Variants in GAB2 observed in about 807,000 individuals in gnomAD.
GAB2 encodes GRB2 associated binding protein 2.
In GAB2, 26 loss-of-function variants were observed where a neutral mutation model predicts 65.5. That is an observed-to-expected ratio of 0.40 (90% CI 0.29 to 0.55). GAB2 has a LOEUF of 0.55. Among genes scored for constraint, GAB2 ranks in the 20% least tolerant of loss-of-function variants. GAB2 has a pLI of 0.53. For missense variants in GAB2, 884 were observed against 875.8 expected (o/e 1.01, Z -0.12); for synonymous variants, 321 against 329.6 (o/e 0.97, Z 0.28).
chr11:78,356,571 T>C (rs564446615), intron 1 of GAB2, among the ~76,000 whole-genome samples: 3 of 152,328 alleles, frequency 2.0e-5, no homozygotes, highest in South Asian at 4.2e-4. Flanking sequence ...ATAGTAGGTA[T>C]AAGACTTTGG....
intron 2 of GAB2, among the ~76,000 whole-genome samples, chr11:78,272,032 C>T (rs1346886909): frequency 6.6e-6 from 1 of 152,222 alleles, no homozygotes; most frequent in Non-Finnish European, 1.5e-5. Context: ...TTTGCTCCTC[C>T]TTTCCTTCTG....
At chr11:78,317,630 AAAG>A (rs1855637173) in intron 1 of GAB2, among the ~76,000 whole-genome samples, 1 of 152,144 alleles carries the variant, frequency 6.6e-6, no homozygotes, top group Non-Finnish European at 1.5e-5. Flanking sequence ...ATCACAATCA[AAAG>A]AAGAAATAAT....
chr11:78,393,546 C>T (rs1856859307), intron 1 of GAB2, among the ~76,000 whole-genome samples: 1 of 152,144 alleles, frequency 6.6e-6, no homozygotes, highest in Non-Finnish European at 1.5e-5. Context: ...CCAAAACTAT[C>T]CTTTCTGAGA....
chr11:78,366,585 C>CA (rs33997665), intron 1 of GAB2, among the ~76,000 whole-genome samples: 26,485 of 32,962 alleles, frequency 0.8, 11,677 homozygotes, highest in Non-Finnish European at 0.86. Context: ...GACTCCATCT[C>CA]AAAAAAAAAA....
At chr11:78,331,035 C>T (rs1855904846) in intron 1 of GAB2, among the ~76,000 whole-genome samples, 2 of 151,774 alleles carry the variant, frequency 1.3e-5, no homozygotes, top group South Asian at 4.2e-4. Context: ...ATTACCAGGG[C>T]ATGGTGGTGG....
intron 1 of GAB2, among the ~76,000 whole-genome samples, chr11:78,413,247 T>C (rs970296357): frequency 5.9e-5 from 9 of 152,082 alleles, no homozygotes; most frequent in Admixed American, 5.2e-4. Context: ...CTGAAGCCAG[T>C]AGAATGGACA....
intron 1 of GAB2, among the ~76,000 whole-genome samples, chr11:78,351,689 A>G (rs1475470875): frequency 6.6e-6 from 1 of 152,208 alleles, no homozygotes; most frequent in African/African-American, 2.4e-5. Flanking sequence ...CATCTAAAGC[A>G]TACTGCTGGG....
intron 1 of GAB2, among the ~76,000 whole-genome samples, chr11:78,375,635 C>T (rs1420544439): frequency 6.6e-6 from 1 of 152,084 alleles, no homozygotes; most frequent in Admixed American, 6.6e-5. Flanking sequence ...TTTTAGATCC[C>T]ATTCTAGAAT....
rs1271195300 is a variant in GAB2 at position 78,216,444 on chromosome 11, G to A, written c.*2828C>T. On this transcript the variant is annotated 3_prime_UTR_variant, in exon 10 of 10. Coordinates refer to ENST00000361507, the MANE Select transcript of GAB2 (RefSeq NM_080491.3). ...TTTGTTGGAGGAGGTAGTGGGTGGA[G>A]GGTGGGGATATGCTAGATACGGCTG... 2 of 152,254 alleles carry A rather than the reference G, an allele frequency of 1.3e-5. No individual in the cohort carries two copies. Among genetic ancestry groups the A allele is most frequent in the Non-Finnish European group, 2.9e-5 (2 of 68,050 alleles). The allele number at this position is 152,254 out of a possible 1,614,324, so 9.4% of individuals were successfully genotyped here.
intron 1 of GAB2, among the ~76,000 whole-genome samples, chr11:78,414,094 A>G: frequency 6.6e-6 from 1 of 151,592 alleles, no homozygotes; most frequent in Admixed American, 6.6e-5. Flanking sequence ...TCTCAAAAAA[A>G]AAAAAAAAAA....
chr11:78,375,489 T>C (rs1856621440), intron 1 of GAB2, among the ~76,000 whole-genome samples: 1 of 152,184 alleles, frequency 6.6e-6, no homozygotes, highest in South Asian at 2.1e-4. Flanking sequence ...AAAAGGCATT[T>C]ATTGGTACAG....
At chr11:78,332,704 T>G (rs1855935906) in intron 1 of GAB2, among the ~76,000 whole-genome samples, 1 of 152,176 alleles carries the variant, frequency 6.6e-6, no homozygotes. Flanking sequence ...TAATGACAAA[T>G]CATAGCTCTG....
chr11:78,401,732 A>G (rs914482930), intron 1 of GAB2, among the ~76,000 whole-genome samples: 8 of 152,164 alleles, frequency 5.3e-5, no homozygotes, highest in African/African-American at 1.7e-4. Context: ...ACACACACAT[A>G]TCACATTTTG....
intron 1 of GAB2, among the ~76,000 whole-genome samples, chr11:78,335,803 T>C (rs1319160250): frequency 6.6e-6 from 1 of 152,190 alleles, no homozygotes; most frequent in Non-Finnish European, 1.5e-5. Flanking sequence ...AGGGAATGCA[T>C]TGAATCTATA....
chr11:78,290,191 G>C (rs568439606), intron 1 of GAB2, among the ~76,000 whole-genome samples: 2 of 152,140 alleles, frequency 1.3e-5, no homozygotes, highest in South Asian at 4.1e-4. Flanking sequence ...TCTAAATTAG[G>C]GTAGTAATAA....
intron 1 of GAB2, among the ~76,000 whole-genome samples, chr11:78,326,117 C>A (rs908888679): frequency 2.6e-5 from 4 of 152,116 alleles, no homozygotes; most frequent in Non-Finnish European, 5.9e-5. Flanking sequence ...TATAGTAAAG[C>A]ATCATAGTAT....
intron 1 of GAB2, among the ~76,000 whole-genome samples, chr11:78,377,518 G>A (rs115834290): frequency 0.013 from 1,939 of 152,290 alleles, 36 homozygotes; most frequent in African/African-American, 0.044. Context: ...CAAACATTGA[G>A]TCGGTAGCAG....
intron 3 of GAB2, among the ~76,000 whole-genome samples, chr11:78,234,050 T>C (rs1376193049): frequency 6.6e-6 from 1 of 152,194 alleles, no homozygotes; most frequent in African/African-American, 2.4e-5. Context: ...TACCTCAAGA[T>C]CATGGAGATG....
At chr11:78,367,210 G>T (rs999857557) in intron 1 of GAB2, among the ~76,000 whole-genome samples, 6 of 152,084 alleles carry the variant, frequency 3.9e-5, no homozygotes, top group Admixed American at 6.6e-5. Context: ...CCTCCATCTA[G>T]CAATATCCTT....
Sources: allele counts gnomAD v4.1 joint callset (sites outside exome capture counted in the v4.1 genomes callset), GRCh38; gene constraint gnomAD v4.1.1; transcripts MANE v1.5; gene names NCBI Gene and HGNC (gene_info 2026-07-23, HGNC 2026-07-21).